The following KCNQ1 variants were observed in gnomAD, a reference collection of about 807,000 sequenced individuals.
The protein encoded by KCNQ1 is potassium voltage-gated channel subfamily KQT member 1.
In KCNQ1, 49 loss-of-function variants were observed where a neutral mutation model predicts 72.4. That is an observed-to-expected ratio of 0.68 (90% CI 0.54 to 0.86). KCNQ1 has a LOEUF of 0.86. KCNQ1 is among the 40% of genes least tolerant of loss of function. The probability of loss-of-function intolerance (pLI) is 0.00; values close to 1 mark genes in which losing one functional copy is unlikely to be tolerated. For missense variants in KCNQ1, 790 were observed against 945.1 expected, an observed-to-expected ratio of 0.84 and a Z score of 2.15; for synonymous variants, 450 against 412.6, an observed-to-expected ratio of 1.09 and a Z score of -1.10.
intron 11 of KCNQ1, chr11:2,700,094 C>T (rs1020531061): frequency 4.3e-5 from 17 of 397,694 alleles, no homozygotes; most frequent in Non-Finnish European, 4.9e-5. Flanking sequence ...AGGCTTGCGG[C>T]GGGCTGCTGC....
intron 1 of KCNQ1, among the ~76,000 whole-genome samples, chr11:2,504,829 C>T (rs78522949): frequency 0.011 from 1,611 of 151,980 alleles, 30 homozygotes; most frequent in African/African-American, 0.037. Flanking sequence ...TAGTAGATAC[C>T]CCCATTTACC....
chr11:2,613,979 C>A lies in KCNQ1; in HGVS notation c.1393+25125C>A. ...CATCTCCTAGAAATCACTCAACATCCATTCACAGAGATCTTTCTCATTGCA... is the reference window on the plus strand; with the variant it reads ...CATCTCCTAGAAATCACTCAACATCAATTCACAGAGATCTTTCTCATTGCA... On this transcript the variant is annotated intron_variant, in intron 10 of 15. Transcript: ENST00000155840. The surrounding 1 kb of genome is among the most constrained non-coding windows in gnomAD (Gnocchi z 4.8). The A allele has an allele frequency of 2.5e-6, 1 of 398,602 alleles. No individual in the cohort carries two copies. Among genetic ancestry groups the A allele is most frequent in the South Asian group, 1.3e-4 (1 of 7,852 alleles). The allele number at this position is 398,602 out of a possible 1,614,324, so 24.7% of individuals were successfully genotyped here.
chr11:2,600,934 A>G lies in KCNQ1; in HGVS notation c.1393+12080A>G, dbSNP rs1848797026. 6.6e-6 allele frequency among the ~76,000 whole-genome samples: 1 copy of G among 152,194 alleles called. No homozygotes were observed. The highest frequency in any genetic ancestry group is 1.5e-5 in the Non-Finnish European group (1 of 68,042). On this transcript the variant is annotated intron_variant, in intron 10 of 15. Coordinates refer to ENST00000155840, the MANE Select transcript of KCNQ1 (RefSeq NM_000218.3). The surrounding 1 kb of genome is among the most constrained non-coding windows in gnomAD (Gnocchi z 5.6). ...CAGTGTATCACATCCTGAGGCACACAGTGTATCTGCCCCTTATTAACGATG... is the reference window on the plus strand; with the variant it reads ...CAGTGTATCACATCCTGAGGCACACGGTGTATCTGCCCCTTATTAACGATG...
rs970000789 is a variant in KCNQ1, at chr11:2,537,212, C to T, written c.477+9194C>T. Among the ~76,000 whole-genome samples, 5 of 151,998 alleles carry T rather than the reference C, an allele frequency of 3.3e-5. No individual in the cohort carries two copies. Among genetic ancestry groups the T allele is most frequent in the Non-Finnish European group, 7.4e-5 (5 of 68,026 alleles). Reference sequence around the variant, plus strand: ...GTGTGTGTAAATAAAGCTTTATTAGCACACAGCACCACATACTTGAGGGCC... The same window carrying T: ...GTGTGTGTAAATAAAGCTTTATTAGTACACAGCACCACATACTTGAGGGCC... On this transcript the variant is annotated intron_variant, in intron 2 of 15. Coordinates refer to ENST00000155840, the MANE Select transcript of KCNQ1 (RefSeq NM_000218.3). The surrounding 1 kb of genome is among the most constrained non-coding windows in gnomAD (Gnocchi z 5.2).
chr11:2,706,695 C>A (rs1850916842), intron 11 of KCNQ1, among the ~76,000 whole-genome samples: 2 of 152,162 alleles, frequency 1.3e-5, no homozygotes, highest in African/African-American at 4.8e-5. Flanking sequence ...TTGGTGGCTC[C>A]CAGGAGAAAG....
rs1243826008 is a variant in KCNQ1, at chr11:2,703,309, C to T, written c.1514+41228C>T. Among the ~76,000 whole-genome samples the T allele has an allele frequency of 1.3e-5, 2 of 152,176 alleles. No individual in the cohort carries two copies. The highest frequency in any genetic ancestry group is 2.9e-5 in the Non-Finnish European group (2 of 68,032). On this transcript the variant is annotated intron_variant, in intron 11 of 15. Transcript: ENST00000155840. The surrounding 1 kb of genome is among the most constrained non-coding windows in gnomAD (Gnocchi z 6.4). ...CAGGGGTGGGTGTGAGACAGAGAGC[C>T]TGGGCACCTGGTGGCCACTCCCTGA...
intron 2 of KCNQ1, among the ~76,000 whole-genome samples, chr11:2,546,587 T>C (rs1437956367): frequency 6.6e-6 from 1 of 152,232 alleles, no homozygotes; most frequent in Non-Finnish European, 1.5e-5. Context: ...ATTTCTCTCT[T>C]TATTCTTCAG....
intron 11 of KCNQ1, among the ~76,000 whole-genome samples, chr11:2,761,263 G>T (rs1206015765): frequency 9.0e-6 from 1 of 110,778 alleles, no homozygotes; most frequent in African/African-American, 3.2e-5. Flanking sequence ...TGGTCTGCCG[G>T]CCTGTCGGTG....
At chr11:2,693,575 T>A in intron 11 of KCNQ1, 1 of 398,632 alleles carries the variant, frequency 2.5e-6, no homozygotes, top group Non-Finnish European at 4.4e-6. Flanking sequence ...GGAGCAGGGA[T>A]TCTTCCATAA....
intron 10 of KCNQ1, chr11:2,625,096 A>G (rs1397597399): frequency 1.8e-5 from 7 of 398,494 alleles, no homozygotes; most frequent in Non-Finnish European, 2.7e-5. Flanking sequence ...GGGTGTATAC[A>G]CAGAGGTGGA....
At chr11:2,461,725 C>T (rs371756552) in intron 1 of KCNQ1, 85 of 1,366,286 alleles carry the variant, frequency 6.2e-5, no homozygotes, top group East Asian at 9.1e-5. Context: ...GTAGGTACCC[C>T]GGGGGTGGAC....
intron 1 of KCNQ1, among the ~76,000 whole-genome samples, chr11:2,525,851 C>G (rs1446629660): frequency 6.6e-6 from 1 of 152,198 alleles, no homozygotes; most frequent in East Asian, 1.9e-4. Flanking sequence ...GGGCTGATCA[C>G]CTACTGTGCA....
chr11:2,599,235 T>C lies in KCNQ1; in HGVS notation c.1393+10381T>C, dbSNP rs1419355862. 6.6e-6 allele frequency among the ~76,000 whole-genome samples: 1 copy of C among 152,234 alleles called. No homozygotes were observed. The highest frequency in any genetic ancestry group is 1.5e-5 in the Non-Finnish European group (1 of 68,046). On this transcript the variant is annotated intron_variant, in intron 10 of 15. Coordinates refer to ENST00000155840, the MANE Select transcript of KCNQ1 (RefSeq NM_000218.3). This position sits in a 1 kb window ranked among gnomAD's most constrained non-coding sequence, Gnocchi z 4.7. ...ATGTGACATAATGAAGGCATTATCA[T>C]TGTTTTCCAAACTCACGGGATCATA...
chr11:2,605,511 C>G (rs1193482646), intron 10 of KCNQ1, among the ~76,000 whole-genome samples: 1 of 152,166 alleles, frequency 6.6e-6, no homozygotes. Context: ...ATGTGGATAT[C>G]AGTTGTTTCA....
chr11:2,796,569 A>C (rs776699715), intron 15 of KCNQ1, among the ~76,000 whole-genome samples: 13 of 152,176 alleles, frequency 8.5e-5, no homozygotes, highest in Non-Finnish European at 1.6e-4. Context: ...CACCCTCTCC[A>C]TGGGGAAGGA....
chr11:2,448,027 C>T (rs1016169183), intron 1 of KCNQ1, among the ~76,000 whole-genome samples: 1 of 152,242 alleles, frequency 6.6e-6, no homozygotes, highest in African/African-American at 2.4e-5. Context: ...CTTCCTGCCC[C>T]CAACACCCCC....
chr11:2,824,199 G>A lies in KCNQ1; in HGVS notation c.1795-23568G>A, dbSNP rs1326999726. 2.0e-5 allele frequency among the ~76,000 whole-genome samples: 3 copies of A among 152,188 alleles called. No homozygotes were observed. Among genetic ancestry groups the A allele is most frequent in the African/African-American group, 7.2e-5 (3 of 41,428 alleles). On this transcript the variant is annotated intron_variant, in intron 15 of 15. Transcript: ENST00000155840. The surrounding 1 kb of genome is among the most constrained non-coding windows in gnomAD (Gnocchi z 5.9). ...ACTCTTCCAGCAAGAGCCACCCCCTGGCTGAAGTGTGAGGCTGTCCATGGA... is the reference window on the plus strand; with the variant it reads ...ACTCTTCCAGCAAGAGCCACCCCCTAGCTGAAGTGTGAGGCTGTCCATGGA...
rs35889184 is a variant in KCNQ1, at chr11:2,671,276, A to G, written c.1514+9195A>G. 11,911 of 398,618 alleles carry G rather than the reference A, an allele frequency of 0.03. 229 individuals carry two copies. Among genetic ancestry groups the G allele is most frequent in the Non-Finnish European group, 0.041 (9,238 of 226,068 alleles). 24.7% of individuals were successfully genotyped at this position (398,618 alleles called of 1,614,324 possible). A position where few individuals can be genotyped will look rare whatever the true frequency, so the allele number is the denominator to read the frequency against. On this transcript the variant is annotated intron_variant, in intron 11 of 15. Coordinates refer to ENST00000155840, the MANE Select transcript of KCNQ1 (RefSeq NM_000218.3). This position sits in a 1 kb window ranked among gnomAD's most constrained non-coding sequence, Gnocchi z 4.7. ...ATGTCCCCACCATCCCCAGCCCCTTAGCCTCTGATCTTCTCCATAAGTAAT... is the reference window on the plus strand; with the variant it reads ...ATGTCCCCACCATCCCCAGCCCCTTGGCCTCTGATCTTCTCCATAAGTAAT...
At chr11:2,470,457 C>T (rs1174229159) in intron 1 of KCNQ1, among the ~76,000 whole-genome samples, 7 of 152,094 alleles carry the variant, frequency 4.6e-5, no homozygotes, top group Non-Finnish European at 4.4e-5. Context: ...AGCGTATATC[C>T]CAGGGAGGCG....
Sources: allele counts gnomAD v4.1 joint callset (sites outside exome capture counted in the v4.1 genomes callset), GRCh38; gene constraint gnomAD v4.1.1; non-coding constraint Gnocchi (gnomAD v3.1); transcripts MANE v1.5; gene names NCBI Gene and HGNC (gene_info 2026-07-23, HGNC 2026-07-21).